Variants in MGRN1 observed in about 807,000 individuals in gnomAD.
MGRN1 encodes the protein E3 ubiquitin-protein ligase MGRN1.
Under a neutral mutation model 69.2 loss-of-function variants are expected in MGRN1, and 29 were observed. The ratio of observed to expected loss-of-function variants is 0.42; its 90% confidence interval spans 0.31 to 0.57. The LOEUF (loss-of-function observed/expected upper bound fraction) is 0.57, where lower values mean the gene tolerates loss of function less well. MGRN1 is among the 20% of genes least tolerant of loss of function. MGRN1 has a pLI of 0.15. For synonymous variants in MGRN1, 470 were observed against 344.2 expected, an observed-to-expected ratio of 1.37 and a Z score of -4.04; for missense variants, 998 against 796.2, an observed-to-expected ratio of 1.25 and a Z score of -3.05.
chr16:4,678,169 A>G (rs1040629392), intron 11 of MGRN1, among the ~76,000 whole-genome samples: 10 of 152,194 alleles, frequency 6.6e-5, no homozygotes, highest in Non-Finnish European at 1.0e-4. Flanking sequence ...TGAATGAGCC[A>G]TGCTGTTTCC....
At chr16:4,628,220 A>C (rs2141815884) in intron 1 of MGRN1, among the ~76,000 whole-genome samples, 1 of 151,940 alleles carries the variant, frequency 6.6e-6, no homozygotes, top group East Asian at 1.9e-4. Context: ...CCCCATGTCT[A>C]CTAAAAATAC....
At chr16:4,657,485 C>G in intron 5 of MGRN1, 122 bp downstream of exon 5, 4 of 936,144 alleles carry the variant, frequency 4.3e-6, no homozygotes, top group Non-Finnish European at 6.7e-6. Context: ...GACCTGGGAA[C>G]GGCCGCCCCA....
Position 4,661,034 on chromosome 16 carries a change from T to C in MGRN1, c.561+3671T>C, listed in dbSNP as rs149301981. 9.8e-3 allele frequency among the ~76,000 whole-genome samples: 1,487 copies of C among 152,068 alleles called. 29 individuals are homozygous for C. Among genetic ancestry groups the C allele is most frequent in the African/African-American group, 0.034 (1,408 of 41,462 alleles). On this transcript the variant is annotated intron_variant, in intron 5 of 16. Coordinates refer to ENST00000262370, the MANE Select transcript of MGRN1 (RefSeq NM_015246.4). ...GCTCACTCTGTCTCCCAGGCTGGAGTGCAGTGGCACAATCACAGCTTGCCG... is the reference window on the plus strand; with the variant it reads ...GCTCACTCTGTCTCCCAGGCTGGAGCGCAGTGGCACAATCACAGCTTGCCG...
chr16:4,655,779 G>A (rs930372651), intron 4 of MGRN1, among the ~76,000 whole-genome samples: 3 of 152,248 alleles, frequency 2.0e-5, no homozygotes, highest in African/African-American at 7.2e-5. Flanking sequence ...CAGCCTGCCA[G>A]TGCTCCATCC....
At chr16:4,635,634 CT>C (rs897798115) in intron 1 of MGRN1, among the ~76,000 whole-genome samples, 17 of 149,470 alleles carry the variant, frequency 1.1e-4, no homozygotes, top group Admixed American at 2.7e-4. Flanking sequence ...ACCCAGCTAA[CT>C]TTTTTTTCTT....
At chr16:4,687,298 C>T in intron 16 of MGRN1, 1 of 985,062 alleles carries the variant, frequency 1.0e-6, no homozygotes, top group Non-Finnish European at 1.2e-6. Flanking sequence ...ACCTATAAGC[C>T]CGGTACTTTG....
Position 4,674,802 on chromosome 16 carries a change from G to A in MGRN1, c.955+1145G>A, listed in dbSNP as rs570500655. On this transcript the variant is annotated intron_variant, in intron 10 of 16. Transcript: ENST00000262370. ...ATTACAGGCGCCCGCCACCGCGCCC[G>A]GCTAATTTTTTGTATTTTTAGTAGA... 1.9e-3 allele frequency among the ~76,000 whole-genome samples: 276 copies of A among 148,020 alleles called. 1 individual carries two copies. Among genetic ancestry groups the A allele is most frequent in the South Asian group, 2.4e-3 (11 of 4,658 alleles).
chr16:4,652,714 C>T lies in MGRN1; in HGVS notation c.333C>T (p.Gly111=), dbSNP rs375103823. The part of the protein sequence containing the change: ...KDDADSPTED[G]DKPRVLYSLE... ...ATGCCGACAGCCCCACCGAGGACGG[C>T]GACAAGCCCCGGGTGCTCTACAGCC... is the stretch of plus-strand genomic sequence containing the variant. The change falls in exon 4 of 17, where the codon GGC becomes GGT. Residue 111 remains glycine (G), a synonymous_variant. Transcript: ENST00000262370. The T allele has an allele frequency of 4.1e-5, 66 of 1,612,542 alleles. No individual in the cohort carries two copies. In the Admixed American group the frequency reaches 5.3e-4, roughly 13 times the overall value.
At position 4,650,350 on chromosome 16, in the gene MGRN1, T is replaced by A; in HGVS notation, c.89-15T>A. The A allele has an allele frequency of 3.2e-6, 5 of 1,573,610 alleles. No homozygotes were observed. The highest frequency in any genetic ancestry group is 3.5e-6 in the Non-Finnish European group (4 of 1,157,560). On this transcript the variant is annotated splice_polypyrimidine_tract_variant and intron_variant, in intron 1 of 16. Transcript: ENST00000262370. ...AAAAAAAAAAATCTATAATCGTGTT[T>A]CCTTTTTTAAACAGGAAACTACTTT... is the stretch of plus-strand genomic sequence containing the variant.
chr16:4,679,470 C>G (rs1286555358), intron 11 of MGRN1, among the ~76,000 whole-genome samples: 2 of 148,424 alleles, frequency 1.3e-5, no homozygotes, highest in Non-Finnish European at 3.0e-5. Context: ...TGCCAGGTTC[C>G]TGTTGGAGCC....
intron 4 of MGRN1, among the ~76,000 whole-genome samples, chr16:4,655,747 G>C (rs559316200): frequency 6.6e-6 from 1 of 152,320 alleles, no homozygotes; most frequent in African/African-American, 2.4e-5. Context: ...TGGAGGCTGT[G>C]CCCAGGCACC....
intron 4 of MGRN1, among the ~76,000 whole-genome samples, chr16:4,654,530 C>T (rs1051246337): frequency 2.0e-5 from 3 of 152,254 alleles, no homozygotes; most frequent in African/African-American, 7.2e-5. Flanking sequence ...AGCGTGCCCC[C>T]TGCCTTCCTG....
In MGRN1 at chr16:4,688,975, C is replaced by T. The variant is rs1043299340; in HGVS notation, c.*67C>T. 1.4e-6 allele frequency: 2 copies of T among 1,471,900 alleles called. No homozygotes were observed. Among genetic ancestry groups the T allele is most frequent in the Non-Finnish European group, 1.8e-6 (2 of 1,105,606 alleles). The allele number at this position is 1,471,900 out of a possible 1,614,324, so 91.2% of individuals were successfully genotyped here. On this transcript the variant is annotated 3_prime_UTR_variant, in exon 17 of 17. Coordinates refer to ENST00000262370, the MANE Select transcript of MGRN1 (RefSeq NM_015246.4). ...GACTTTGCCGAGGGGCTGCTCCGGA[C>T]CCCGTTGTGAGCCGGCCTCCTGTCT...
chr16:4,674,616 C>CT (rs2079014015), intron 10 of MGRN1, among the ~76,000 whole-genome samples: 5 of 71,422 alleles, frequency 7.0e-5, no homozygotes, highest in Admixed American at 1.6e-4. Flanking sequence ...TTTTTCTTTT[C>CT]TTTTCTTTTC....
rs899567666 is a variant in MGRN1, at chr16:4,688,508, C to T, written c.1619-288C>T. ...GGGCAAGGGCAGGAGGCCCAGAGGG[C>T]ATCCACCGCGGTGCCGTGTCGCGCT... On this transcript the variant is annotated intron_variant, in intron 16 of 16. Coordinates refer to ENST00000262370, the MANE Select transcript of MGRN1 (RefSeq NM_015246.4). The T allele has an allele frequency of 5.0e-6, 6 of 1,200,772 alleles. No homozygotes were observed. In the African/African-American group the frequency reaches 7.8e-5, roughly 16 times the overall value. The allele number at this position is 1,200,772 out of a possible 1,614,324, so 74.4% of individuals were successfully genotyped here.
At chr16:4,668,240 ACCT>A (rs778539684) in intron 7 of MGRN1, 22 bp from the exon 8 acceptor site, 378 of 1,612,492 alleles carry the variant, frequency 2.3e-4, no homozygotes, top group Middle Eastern at 5.0e-4. Flanking sequence ...GACCACCTTA[ACCT>A]CTTTGTCTTT....
At chr16:4,687,529 C>T in intron 16 of MGRN1, 1 of 971,620 alleles carries the variant, frequency 1.0e-6, no homozygotes, top group Non-Finnish European at 1.2e-6. Context: ...AATACACACA[C>T]ACCCACCCAC....
In MGRN1 at chr16:4,667,467, T is replaced by C. The variant is rs116495653; in HGVS notation, c.679-798T>C. Among the ~76,000 whole-genome samples the C allele has an allele frequency of 3.9e-3, 590 of 152,298 alleles. 3 individuals are homozygous for C. The highest frequency in any genetic ancestry group is 0.014 in the African/African-American group (566 of 41,548). On this transcript the variant is annotated intron_variant, in intron 7 of 16. Coordinates refer to ENST00000262370, the MANE Select transcript of MGRN1 (RefSeq NM_015246.4). ...GGCCCGGACTCGTCAGAAGCCACGG[T>C]GACTATTGACACATCTGCATCCTCT...
At chr16:4,626,452 T>C (rs1897683472) in intron 1 of MGRN1, among the ~76,000 whole-genome samples, 1 of 152,210 alleles carries the variant, frequency 6.6e-6, no homozygotes, top group African/African-American at 2.4e-5. Flanking sequence ...TCGAGGTTGC[T>C]TAACCCCCTG....
Sources: gnomAD v4.1 joint callset for allele counts (sites outside exome capture counted in the v4.1 genomes callset) on GRCh38, gnomAD v4.1.1 for gene constraint, MANE v1.5 for transcripts, NCBI Gene and HGNC (gene_info 2026-07-23, HGNC 2026-07-21) for gene names.